TANC1: variants seen among roughly 807,000 people sequenced by gnomAD.
The protein encoded by TANC1 is tetratricopeptide repeat, ankyrin repeat and coiled-coil containing 1.
Under a neutral mutation model 149.7 loss-of-function variants are expected in TANC1, and 77 were observed. The observed-to-expected ratio is 0.51, with a 90% CI of 0.43 to 0.62. The LOEUF is 0.62. Among genes scored for constraint, TANC1 ranks in the 20% least tolerant of loss-of-function variants. The pLI is 0.00. For synonymous variants in TANC1, 854 were observed against 925.0 expected (o/e 0.92, Z 1.39); for missense variants, 1,985 against 2,321.8 (o/e 0.85, Z 2.98).
At chr2:158,982,144 T>G (rs553393127) in intron 1 of TANC1, among the ~76,000 whole-genome samples, 31 of 152,312 alleles carry the variant, frequency 2.0e-4, no homozygotes, top group African/African-American at 7.0e-4. Context: ...CTTTGCATGA[T>G]GAATGGTAGC....
intron 1 of TANC1, among the ~76,000 whole-genome samples, chr2:158,996,472 A>G (rs1198291805): frequency 1.3e-5 from 2 of 152,250 alleles, no homozygotes; most frequent in Non-Finnish European, 1.5e-5. Context: ...GTACACACGC[A>G]GTGTGTATTA....
At chr2:159,201,361 C>T (rs565460001) in intron 19 of TANC1, among the ~76,000 whole-genome samples, 1 of 152,272 alleles carries the variant, frequency 6.6e-6, no homozygotes, top group Admixed American at 6.5e-5. Flanking sequence ...GTTACCGACC[C>T]TAAATGTGGG....
At chr2:159,191,576 C>A (rs1032064204) in intron 16 of TANC1, among the ~76,000 whole-genome samples, 7 of 152,100 alleles carry the variant, frequency 4.6e-5, no homozygotes, top group Admixed American at 4.6e-4. Flanking sequence ...CAGAGAAGAT[C>A]AGAGAGGAAG....
At chr2:159,016,521 C>T (rs1304297836) in intron 2 of TANC1, among the ~76,000 whole-genome samples, 1 of 152,094 alleles carries the variant, frequency 6.6e-6, no homozygotes, top group Non-Finnish European at 1.5e-5. Flanking sequence ...CAGTACCTTC[C>T]TCTGCCCTGT....
rs141268781 is a variant in TANC1 at position 159,082,312 on chromosome 2, C to CT, written c.62-15324dup. On this transcript the variant is annotated intron_variant, in intron 3 of 26. Coordinates refer to ENST00000263635, the MANE Select transcript of TANC1 (RefSeq NM_033394.3). ...CCACCCAACCCTGTACCGAGGGCTCCTGAGTCAGCAGATTAAGTATTTTGT... is the reference window on the plus strand; with the variant it reads ...CCACCCAACCCTGTACCGAGGGCTCCTTGAGTCAGCAGATTAAGTATTTTGT... Among the ~76,000 whole-genome samples, 317 of 152,026 alleles carry CT rather than the reference C, an allele frequency of 2.1e-3. 2 individuals carry two copies. The highest frequency in any genetic ancestry group is 7.1e-3 in the African/African-American group (294 of 41,430).
At chr2:158,985,581 G>A (rs554902755) in intron 1 of TANC1, among the ~76,000 whole-genome samples, 5 of 152,294 alleles carry the variant, frequency 3.3e-5, no homozygotes, top group Middle Eastern at 3.4e-3. Context: ...TACTTTCCTT[G>A]TGTGGGTTAA....
At chr2:158,992,165 C>G (rs1040417192) in intron 1 of TANC1, among the ~76,000 whole-genome samples, 2 of 152,012 alleles carry the variant, frequency 1.3e-5, no homozygotes, top group African/African-American at 4.8e-5. Flanking sequence ...GAGTTTGAGA[C>G]CAGCCTGGGC....
chr2:159,106,013 G>C (rs2047144870), intron 4 of TANC1, among the ~76,000 whole-genome samples: 1 of 151,196 alleles, frequency 6.6e-6, no homozygotes, highest in Admixed American at 6.6e-5. Context: ...ATCTAATTAG[G>C]TTACAGTGTT....
At chr2:159,141,907 C>T (rs1314282331) in intron 5 of TANC1, among the ~76,000 whole-genome samples, 2 of 152,104 alleles carry the variant, frequency 1.3e-5, no homozygotes, top group East Asian at 3.9e-4. Context: ...CACTTTATAC[C>T]TTGCAGGACA....
At chr2:159,190,384 T>C (rs755640665) in intron 16 of TANC1, among the ~76,000 whole-genome samples, 2 of 152,192 alleles carry the variant, frequency 1.3e-5, no homozygotes, top group Non-Finnish European at 2.9e-5. Context: ...GTGTGCCCCT[T>C]GGTGGCATTG....
At chr2:159,059,001 A>G (rs1433525208) in intron 2 of TANC1, among the ~76,000 whole-genome samples, 1 of 152,182 alleles carries the variant, frequency 6.6e-6, no homozygotes, top group Non-Finnish European at 1.5e-5. Context: ...TTAAATTCAT[A>G]TTACTTGTGA....
At chr2:159,204,827 C>T (rs1575242484) in intron 19 of TANC1, among the ~76,000 whole-genome samples, 1 of 152,360 alleles carries the variant, frequency 6.6e-6, no homozygotes, top group Non-Finnish European at 1.5e-5. Context: ...GTCAAAGCTA[C>T]TATTTGCCTC....
At chr2:159,188,477 T>C (rs560234293) in intron 16 of TANC1, among the ~76,000 whole-genome samples, 67 of 152,332 alleles carry the variant, frequency 4.4e-4, no homozygotes, top group African/African-American at 1.6e-3. Context: ...ATCCAGCCAG[T>C]GGTTTTGTTG....
intron 2 of TANC1, among the ~76,000 whole-genome samples, chr2:159,014,374 GGGA>G: frequency 6.6e-6 from 1 of 152,284 alleles, no homozygotes; most frequent in Middle Eastern, 3.4e-3. Flanking sequence ...AACAGTATGG[GGGA>G]AACTGCCCCC....
In TANC1 at chr2:159,064,149, A is replaced by AT. The variant is rs1179737687; in HGVS notation, c.-15-1740dup. Among the ~76,000 whole-genome samples, 30 of 152,172 alleles carry AT rather than the reference A, an allele frequency of 2.0e-4. No individual in the cohort carries two copies. The East Asian group carries it at 4.8e-3, about 24-fold the overall frequency. ...CTATTTATTATTAACTTTTACTACC[A>AT]TTTTTTTATACTACAGTGTTTTTCA... On this transcript the variant is annotated intron_variant, in intron 2 of 26. Coordinates refer to ENST00000263635, the MANE Select transcript of TANC1 (RefSeq NM_033394.3).
At chr2:159,086,676 A>G (rs1471598430) in intron 3 of TANC1, among the ~76,000 whole-genome samples, 1 of 152,188 alleles carries the variant, frequency 6.6e-6, no homozygotes, top group Non-Finnish European at 1.5e-5. Context: ...AAAATAAAGT[A>G]TATTTTATTT....
At chr2:159,026,463 C>T (rs540930099) in intron 2 of TANC1, among the ~76,000 whole-genome samples, 1 of 152,328 alleles carries the variant, frequency 6.6e-6, no homozygotes, top group East Asian at 1.9e-4. Flanking sequence ...TCAATTTCTC[C>T]TACCCTGCAC....
At chr2:159,045,037 A>G (rs1429021281) in intron 2 of TANC1, among the ~76,000 whole-genome samples, 3 of 152,252 alleles carry the variant, frequency 2.0e-5, no homozygotes, top group Non-Finnish European at 4.4e-5. Flanking sequence ...TGAAGCTTTA[A>G]AAATTAGGAT....
intron 2 of TANC1, 90 bp from the exon 3 acceptor site, chr2:159,065,806 T>G (rs1328360476): frequency 3.8e-6 from 4 of 1,044,114 alleles, no homozygotes; most frequent in Non-Finnish European, 5.9e-6. Context: ...TCTGTTTGTT[T>G]GAACACAAGT....
Sources: allele counts gnomAD v4.1 joint callset (sites outside exome capture counted in the v4.1 genomes callset), GRCh38; gene constraint gnomAD v4.1.1; transcripts MANE v1.5; gene names NCBI Gene and HGNC (gene_info 2026-07-23, HGNC 2026-07-21).